The following CSMD1 variants were observed in gnomAD, a reference collection of about 807,000 sequenced individuals.
CSMD1 encodes the protein CUB and Sushi multiple domains 1.
In CSMD1, 213 loss-of-function variants were observed where a neutral mutation model predicts 417.5. That is an observed-to-expected ratio of 0.51 (90% CI 0.46 to 0.57). The LOEUF is 0.57. Ranked by LOEUF, CSMD1 falls within the 20% of genes least tolerant of loss-of-function variation. The probability of loss-of-function intolerance (pLI) is 0.00; values close to 1 mark genes in which losing one functional copy is unlikely to be tolerated. For missense variants in CSMD1, 6,923 were observed against 4,529.7 expected, an observed-to-expected ratio of 1.53 and a Z score of -15.17; for synonymous variants, 2,862 against 1,736.8, an observed-to-expected ratio of 1.65 and a Z score of -16.11.
chr8:4,561,196 C>T (rs1313690099), intron 2 of CSMD1, among the ~76,000 whole-genome samples: 2 of 152,070 alleles, frequency 1.3e-5, no homozygotes, highest in Non-Finnish European at 2.9e-5. Context: ...CTGGTGAAAC[C>T]CCATCTCTGC....
At chr8:3,621,253 C>G (rs1224672518) in intron 7 of CSMD1, among the ~76,000 whole-genome samples, 1 of 152,006 alleles carries the variant, frequency 6.6e-6, no homozygotes, top group Non-Finnish European at 1.5e-5. Flanking sequence ...AATGAATCAC[C>G]CCAAACCAAA....
At chr8:3,060,434 C>G (rs1427228487) in intron 49 of CSMD1, among the ~76,000 whole-genome samples, 1 of 152,106 alleles carries the variant, frequency 6.6e-6, no homozygotes, top group Non-Finnish European at 1.5e-5. Flanking sequence ...AGTGATCCAC[C>G]CACCTTCGTC....
intron 3 of CSMD1, among the ~76,000 whole-genome samples, chr8:4,368,638 A>T (rs746801068): frequency 2.0e-5 from 3 of 151,976 alleles, no homozygotes; most frequent in Non-Finnish European, 4.4e-5. Flanking sequence ...TTACCGATTC[A>T]ATTTTGGAAC....
At chr8:4,616,349 C>G (rs182979420) in intron 2 of CSMD1, among the ~76,000 whole-genome samples, 69 of 152,322 alleles carry the variant, frequency 4.5e-4, no homozygotes, top group Non-Finnish European at 7.5e-4. Context: ...GAGTCCTTCT[C>G]AAGAACTCTG....
chr8:3,465,210 G>GT (rs1181438490), intron 12 of CSMD1, among the ~76,000 whole-genome samples: 1 of 152,054 alleles, frequency 6.6e-6, no homozygotes, highest in African/African-American at 2.4e-5. Flanking sequence ...TCCACTCACT[G>GT]TGATTTTCAG....
intron 1 of CSMD1, among the ~76,000 whole-genome samples, chr8:4,739,551 G>C (rs7014938): frequency 0.68 from 104,137 of 152,064 alleles, 37,023 homozygotes; most frequent in East Asian, 0.97. Flanking sequence ...ATCATAATAA[G>C]CTCCAGAAGA....
chr8:3,177,353 T>G (rs1821006655), intron 37 of CSMD1, among the ~76,000 whole-genome samples: 1 of 152,138 alleles, frequency 6.6e-6, no homozygotes, highest in South Asian at 2.1e-4. Flanking sequence ...GTGCAGAGGC[T>G]CTGTGACGAG....
chr8:3,554,299 G>C (rs866871545), intron 10 of CSMD1, among the ~76,000 whole-genome samples: 12 of 152,238 alleles, frequency 7.9e-5, no homozygotes, highest in Non-Finnish European at 5.9e-5. Context: ...AATGGGTCCA[G>C]ACCAGTTCAA....
chr8:4,896,398 G>A (rs1005742759), intron 1 of CSMD1, among the ~76,000 whole-genome samples: 7 of 151,944 alleles, frequency 4.6e-5, no homozygotes, highest in Non-Finnish European at 1.0e-4. Flanking sequence ...TTATTTACTC[G>A]CTTCGATTAT....
At position 4,398,388 on chromosome 8, in the gene CSMD1, C is replaced by CTT. The variant is rs767579097; in HGVS notation, c.415+21563_415+21564dup. ...TTTTTAAATTGTCTTGCTGCAACTTCTTTTTTTTTTTTTTTTTTTTGTGAG... is the reference window on the plus strand; with the variant it reads ...TTTTTAAATTGTCTTGCTGCAACTTCTTTTTTTTTTTTTTTTTTTTTTGTGAG... On this transcript the variant is annotated intron_variant, in intron 3 of 69. Transcript: ENST00000635120. 8.1e-3 allele frequency among the ~76,000 whole-genome samples: 932 copies of CTT among 114,448 alleles called. 49 individuals carry two copies. The highest frequency in any genetic ancestry group is 0.051 in the East Asian group (184 of 3,606). The allele number at this position is 114,448 out of a possible 152,430, so 75.1% of individuals were successfully genotyped here. A position where few individuals can be genotyped will look rare whatever the true frequency, so the allele number is the denominator to read the frequency against.
intron 3 of CSMD1, among the ~76,000 whole-genome samples, chr8:4,206,581 A>C (rs1256873853): frequency 6.6e-6 from 1 of 152,160 alleles, no homozygotes; most frequent in East Asian, 1.9e-4. Context: ...AATCCAGTCT[A>C]TCATTGATGG....
intron 1 of CSMD1, among the ~76,000 whole-genome samples, chr8:4,874,249 A>T (rs565961488): frequency 1.3e-5 from 2 of 152,116 alleles, no homozygotes; most frequent in Non-Finnish European, 2.9e-5. Flanking sequence ...GTTTTCATCA[A>T]ATTACGTGGG....
At chr8:4,022,396 A>G (rs2740929) in intron 4 of CSMD1, among the ~76,000 whole-genome samples, 63,165 of 151,922 alleles carry the variant, frequency 0.42, 14,183 homozygotes, top group South Asian at 0.64. Flanking sequence ...ATGGGAGGAC[A>G]TATTTTCTAT....
chr8:3,676,585 A>C (rs1361262890), intron 7 of CSMD1, among the ~76,000 whole-genome samples: 1 of 152,174 alleles, frequency 6.6e-6, no homozygotes, highest in Non-Finnish European at 1.5e-5. Context: ...ATATACACGG[A>C]TATATGGAAA....
chr8:3,520,547 C>T (rs1349423809), intron 10 of CSMD1, among the ~76,000 whole-genome samples: 1 of 152,112 alleles, frequency 6.6e-6, no homozygotes, highest in African/African-American at 2.4e-5. Flanking sequence ...TGTCAAATCC[C>T]ATCATTTCTA....
chr8:4,584,500 G>C (rs937639830), intron 2 of CSMD1, among the ~76,000 whole-genome samples: 31 of 151,352 alleles, frequency 2.0e-4, no homozygotes, highest in Admixed American at 5.9e-4. Flanking sequence ...TTCTGGGAAA[G>C]GGCTCTCTAA....
At chr8:3,534,518 C>CA (rs566979953) in intron 10 of CSMD1, among the ~76,000 whole-genome samples, 17,312 of 86,344 alleles carry the variant, frequency 0.2, 1,207 homozygotes, top group African/African-American at 0.26. Context: ...TTCTCAATTA[C>CA]AAAAAAAAAA....
intron 20 of CSMD1, among the ~76,000 whole-genome samples, chr8:3,363,166 G>C (rs17065931): frequency 0.2 from 29,971 of 152,006 alleles, 2,943 homozygotes; most frequent in Middle Eastern, 0.24. Flanking sequence ...AAATTAGCTG[G>C]CCTGTCCATT....
intron 3 of CSMD1, among the ~76,000 whole-genome samples, chr8:4,146,587 T>C (rs951789462): frequency 7.5e-6 from 1 of 134,094 alleles, no homozygotes; most frequent in Non-Finnish European, 1.6e-5. Flanking sequence ...AATGTTTATA[T>C]GGACACATTT....
Sources: allele counts gnomAD v4.1 joint callset (sites outside exome capture counted in the v4.1 genomes callset), GRCh38; gene constraint gnomAD v4.1.1; transcripts MANE v1.5; gene names NCBI Gene and HGNC (gene_info 2026-07-23, HGNC 2026-07-21).